IL15: variants seen among roughly 807,000 people sequenced by gnomAD.
The protein encoded by IL15 is interleukin 15, also known as interleukin-15.
A neutral mutation model predicts 19.6 loss-of-function variants in IL15; 11 were observed. That is an observed-to-expected ratio of 0.56 (90% CI 0.35 to 0.93). The LOEUF is 0.93. Ranked by LOEUF, IL15 falls within the 40% of genes least tolerant of loss-of-function variation. The probability of loss-of-function intolerance (pLI) is 0.01; values close to 1 mark genes in which losing one functional copy is unlikely to be tolerated. For synonymous variants in IL15, 58 were observed against 59.6 expected (o/e 0.97, Z 0.12); for missense variants, 197 against 186.5 (o/e 1.06, Z -0.33).
chr4:141,698,486 C>A (rs1276687445), intron 2 of IL15, among the ~76,000 whole-genome samples: 1 of 151,184 alleles, frequency 6.6e-6, no homozygotes, highest in African/African-American at 2.4e-5. Flanking sequence ...TTGTTGGCAG[C>A]TTTTTTTATT....
At chr4:141,700,761 A>T (rs984435806) in intron 2 of IL15, among the ~76,000 whole-genome samples, 5 of 152,178 alleles carry the variant, frequency 3.3e-5, no homozygotes, top group Non-Finnish European at 7.4e-5. Context: ...AGCACGATTT[A>T]TTCTTAGGTT....
At chr4:141,731,220 A>G (rs1314485340) in intron 7 of IL15, among the ~76,000 whole-genome samples, 1 of 152,124 alleles carries the variant, frequency 6.6e-6, no homozygotes, top group Non-Finnish European at 1.5e-5. Context: ...TTACAGTTGC[A>G]ATCCCTTCCC....
intron 5 of IL15, among the ~76,000 whole-genome samples, 174 bp downstream of exon 5, chr4:141,722,182 A>T (rs1451159694): frequency 2.6e-5 from 4 of 152,140 alleles, no homozygotes; most frequent in Non-Finnish European, 4.4e-5. Context: ...TTAGAATCTA[A>T]TTATCTTTAA....
At chr4:141,659,026 AT>A (rs1333769226) in intron 2 of IL15, among the ~76,000 whole-genome samples, 2 of 150,692 alleles carry the variant, frequency 1.3e-5, no homozygotes, top group African/African-American at 2.4e-5. Context: ...CGCCTGGCTA[AT>A]TTTTTTTGTA....
chr4:141,717,099 G>A (rs1209207712), intron 2 of IL15: 2 of 152,100 alleles, frequency 1.3e-5, no homozygotes, highest in Admixed American at 6.5e-5. Context: ...TAGATAACTC[G>A]ATTAACTAGA....
Position 141,724,987 on chromosome 4 carries a change from T to C in IL15, c.196-2953T>C, listed in dbSNP as rs138395222. ...GTGATGCTAAAACCAAATAAAGATA[T>C]TACTAAAAAAGACAACTACAAAAAT... is the stretch of plus-strand genomic sequence containing the variant. On this transcript the variant is annotated intron_variant, in intron 5 of 7. Coordinates refer to ENST00000320650, the MANE Select transcript of IL15 (RefSeq NM_000585.5). Among the ~76,000 whole-genome samples the C allele has an allele frequency of 6.7e-3, 1,019 of 152,188 alleles. 13 individuals carry two copies. Among genetic ancestry groups the C allele is most frequent in the African/African-American group, 0.023 (955 of 41,538 alleles).
intron 2 of IL15, among the ~76,000 whole-genome samples, chr4:141,699,151 G>T: frequency 6.6e-6 from 1 of 152,004 alleles, no homozygotes; most frequent in Non-Finnish European, 1.5e-5. Context: ...GGTTCCTTTT[G>T]GAATTGATTT....
chr4:141,723,146 A>G (rs980297396), intron 5 of IL15, among the ~76,000 whole-genome samples: 9 of 152,192 alleles, frequency 5.9e-5, no homozygotes, highest in African/African-American at 2.2e-4. Flanking sequence ...TAGTACAATG[A>G]CATACATAGG....
rs987174505 is a variant in IL15 at position 141,659,070 on chromosome 4, C to T, written c.-100+2763C>T. Among the ~76,000 whole-genome samples, 7 of 152,008 alleles carry T rather than the reference C, an allele frequency of 4.6e-5. No individual in the cohort carries two copies. The East Asian group carries it at 9.7e-4, about 21-fold the overall frequency. On this transcript the variant is annotated intron_variant, in intron 2 of 7. Transcript: ENST00000320650. ...TAGAGACGGGGTTTCACCATGGTCT[C>T]GATCTCCTGACCTTGTGATCCACCT...
At chr4:141,725,381 GAAAA>G (rs1171703007) in intron 5 of IL15, among the ~76,000 whole-genome samples, 1 of 152,104 alleles carries the variant, frequency 6.6e-6, no homozygotes, top group Non-Finnish European at 1.5e-5. Context: ...GGTATCTTTA[GAAAA>G]ACAGATAAGG....
chr4:141,687,147 G>GTC (rs1324969072), intron 2 of IL15, among the ~76,000 whole-genome samples: 1 of 152,174 alleles, frequency 6.6e-6, no homozygotes, highest in African/African-American at 2.4e-5. Flanking sequence ...ACTTGGCATG[G>GTC]TCTCAGACAG....
chr4:141,728,323 A>G (rs1013082711), intron 6 of IL15, among the ~76,000 whole-genome samples: 1 of 152,122 alleles, frequency 6.6e-6, no homozygotes, highest in South Asian at 2.1e-4. Flanking sequence ...AGTAGCCAAT[A>G]TATCAGTTAT....
At position 141,677,810 on chromosome 4, in the gene IL15, G is replaced by A. The variant is rs144540521; in HGVS notation, c.-100+21503G>A. 1.2e-3 allele frequency among the ~76,000 whole-genome samples: 178 copies of A among 152,302 alleles called. 6 individuals carry two copies. The East Asian group carries it at 0.028, about 24-fold the overall frequency. On this transcript the variant is annotated intron_variant, in intron 2 of 7. Coordinates refer to ENST00000320650, the MANE Select transcript of IL15 (RefSeq NM_000585.5). ...CCCCTTCTATGTAAAATCTCTCTAT[G>A]TTAAGGTTAACTATGCCATGTAACA...
chr4:141,675,116 A>G (rs1302050329), intron 2 of IL15, among the ~76,000 whole-genome samples: 3 of 151,930 alleles, frequency 2.0e-5, no homozygotes, highest in Non-Finnish European at 2.9e-5. Flanking sequence ...AAAAATAATT[A>G]TATTGGGATT....
At chr4:141,702,929 G>A (rs900926832) in intron 2 of IL15, among the ~76,000 whole-genome samples, 5 of 152,164 alleles carry the variant, frequency 3.3e-5, no homozygotes, top group African/African-American at 1.2e-4. Flanking sequence ...GGGGCCTGCC[G>A]CAGCCACTGT....
rs77685314 is a variant in IL15 at position 141,708,421 on chromosome 4, C to A, written c.-99-10945C>A. The stretch of plus-strand genomic sequence containing the variant: ...TTAAGAAGCCATTGAGCTCTATCAT[C>A]TTAGGCCTTAAGGGTGGGAGGTGTT... On this transcript the variant is annotated intron_variant, in intron 2 of 7. Coordinates refer to ENST00000320650, the MANE Select transcript of IL15 (RefSeq NM_000585.5). 2.6e-4 allele frequency among the ~76,000 whole-genome samples: 39 copies of A among 152,180 alleles called. No individual in the cohort carries two copies. In the East Asian group the frequency reaches 7.5e-3, roughly 29 times the overall value.
intron 7 of IL15, among the ~76,000 whole-genome samples, chr4:141,732,335 A>C (rs1015913945): frequency 3.3e-5 from 5 of 152,172 alleles, no homozygotes; most frequent in African/African-American, 9.7e-5. Flanking sequence ...CCAGATGCTC[A>C]CTCAGTGTTT....
intron 2 of IL15, among the ~76,000 whole-genome samples, chr4:141,679,324 T>C (rs1231785595): frequency 1.3e-5 from 2 of 152,352 alleles, no homozygotes; most frequent in Middle Eastern, 3.4e-3. Context: ...TTTATTTTAG[T>C]TTGACCACTA....
At chr4:141,701,022 G>A (rs1729280149) in intron 2 of IL15, among the ~76,000 whole-genome samples, 1 of 151,658 alleles carries the variant, frequency 6.6e-6, no homozygotes, top group South Asian at 2.1e-4. Flanking sequence ...TCCATATTCT[G>A]GATTATTTTT....
Sources: gnomAD v4.1 joint callset for allele counts (sites outside exome capture counted in the v4.1 genomes callset) on GRCh38, gnomAD v4.1.1 for gene constraint, MANE v1.5 for transcripts, NCBI Gene and HGNC (gene_info 2026-07-23, HGNC 2026-07-21) for gene names.